Variants in EIF4G3 observed in about 807,000 individuals in gnomAD.
EIF4G3 encodes the protein eukaryotic translation initiation factor 4 gamma 3, also known as eIF-4-gamma 3.
Under a neutral mutation model 186.4 loss-of-function variants are expected in EIF4G3, and 34 were observed. That is an observed-to-expected ratio of 0.18 (90% CI 0.14 to 0.24). The LOEUF (loss-of-function observed/expected upper bound fraction) is 0.24, where lower values mean the gene tolerates loss of function less well. Among genes scored for constraint, EIF4G3 ranks in the 10% least tolerant of loss-of-function variants. The pLI, the probability that EIF4G3 is intolerant of heterozygous loss-of-function variation, is 1.00. For missense variants in EIF4G3, 1,536 were observed against 1,948.5 expected (o/e 0.79, Z 3.99); for synonymous variants, 673 against 679.5 (o/e 0.99, Z 0.15).
At chr1:21,006,387 T>C (rs1390117227) in intron 4 of EIF4G3, among the ~76,000 whole-genome samples, 1 of 152,232 alleles carries the variant, frequency 6.6e-6, no homozygotes. Context: ...GTTTGTACTT[T>C]CCCTTTTCGA....
chr1:20,958,125 T>C (rs371934026), intron 12 of EIF4G3, among the ~76,000 whole-genome samples: 5 of 152,136 alleles, frequency 3.3e-5, no homozygotes, highest in East Asian at 1.9e-4. Context: ...ATTTCCATGA[T>C]GAACACAGAT....
intron 29 of EIF4G3, among the ~76,000 whole-genome samples, chr1:20,842,244 T>C (rs1273926846): frequency 6.6e-6 from 1 of 152,236 alleles, no homozygotes; most frequent in Non-Finnish European, 1.5e-5. Flanking sequence ...CTGAGTCCAG[T>C]TGAGAACCCG....
At chr1:21,132,873 C>T (rs535167508) in intron 2 of EIF4G3, among the ~76,000 whole-genome samples, 19 of 152,266 alleles carry the variant, frequency 1.2e-4, no homozygotes, top group Non-Finnish European at 2.6e-4. Context: ...ACTTCCGCCT[C>T]CCAGGTTCAA....
intron 14 of EIF4G3, among the ~76,000 whole-genome samples, chr1:20,914,603 G>A (rs2093654111): frequency 6.6e-6 from 1 of 152,162 alleles, no homozygotes; most frequent in Non-Finnish European, 1.5e-5. Flanking sequence ...TAATTAATGT[G>A]TATTGTTTAA....
intron 18 of EIF4G3, among the ~76,000 whole-genome samples, chr1:20,891,530 T>C (rs752222924): frequency 6.7e-5 from 10 of 149,408 alleles, no homozygotes; most frequent in Non-Finnish European, 1.5e-4. Flanking sequence ...CCCAGCACTT[T>C]GGGAGGCCGA....
At chr1:20,819,929 G>A (rs2100382) in intron 33 of EIF4G3, among the ~76,000 whole-genome samples, 59,376 of 151,864 alleles carry the variant, frequency 0.39, 12,356 homozygotes, top group Middle Eastern at 0.5. Flanking sequence ...CAGAGAGACT[G>A]GAGACAGAAA....
intron 14 of EIF4G3, among the ~76,000 whole-genome samples, chr1:20,908,805 A>G (rs1417118930): frequency 6.6e-6 from 1 of 152,200 alleles, no homozygotes; most frequent in Non-Finnish European, 1.5e-5. Flanking sequence ...ACCGGTTTTT[A>G]TAAAACCCAC....
chr1:20,896,181 G>A (rs2087930228), intron 16 of EIF4G3, among the ~76,000 whole-genome samples: 1 of 152,030 alleles, frequency 6.6e-6, no homozygotes, highest in African/African-American at 2.4e-5. Flanking sequence ...ACAAGGCCAG[G>A]GATGGTGGCT....
At chr1:20,849,705 C>T (rs1308663146) in intron 28 of EIF4G3, among the ~76,000 whole-genome samples, 175 bp from the exon 29 acceptor site, 1 of 152,100 alleles carries the variant, frequency 6.6e-6, no homozygotes, top group African/African-American at 2.4e-5. Context: ...CACTAAGTAA[C>T]TTTATAATCT....
At position 20,806,749 on chromosome 1, in the gene EIF4G3, A is replaced by C. The variant is rs2058174541; in HGVS notation, c.*570T>G. On this transcript the variant is annotated 3_prime_UTR_variant, in exon 37 of 37. Coordinates refer to ENST00000602326, the MANE Select transcript of EIF4G3 (RefSeq NM_001391906.1). ...TTTTGATTACTATTGTGATTTTTTA[A>C]ATTTTCTGAAGCAAGCTGAGAGGCA... is the stretch of plus-strand genomic sequence containing the variant. The C allele has an allele frequency of 6.6e-6, 1 of 151,956 alleles. No individual in the cohort carries two copies. The highest frequency in any genetic ancestry group is 2.4e-5 in the African/African-American group (1 of 41,324). The allele number at this position is 151,956 out of a possible 1,614,324, so 9.4% of individuals were successfully genotyped here.
chr1:21,104,174 TATG>T (rs2096574767), intron 2 of EIF4G3, among the ~76,000 whole-genome samples: 1 of 152,158 alleles, frequency 6.6e-6, no homozygotes, highest in Non-Finnish European at 1.5e-5. Flanking sequence ...CTAGAAGTAA[TATG>T]ATATGATCAT....
intron 15 of EIF4G3, among the ~76,000 whole-genome samples, chr1:20,903,254 G>A (rs1405998151): frequency 2.0e-5 from 3 of 152,068 alleles, no homozygotes; most frequent in East Asian, 1.9e-4. Flanking sequence ...AAGCTACAGC[G>A]GCAAATTTGA....
At position 20,860,501 on chromosome 1, in the gene EIF4G3, C is replaced by T. The variant is rs755775141; in HGVS notation, c.3128G>A (p.Arg1043Gln). 2.5e-6 allele frequency: 4 copies of T among 1,613,860 alleles called. No homozygotes were observed. Among genetic ancestry groups the T allele is most frequent in the Non-Finnish European group, 3.4e-6 (4 of 1,179,916 alleles). Residue 1043 changes from arginine (R) to glutamine (Q), a missense_variant, in exon 24 of 37, where the codon CGA (arginine) becomes CAA (glutamine). Physicochemically the swap from Arg to Gln is conservative, Grantham distance 43. Around this residue, in one of 11 missense-constraint regions of EIF4G3, gnomAD observed 110 missense variants for 166.2 expected, o/e 0.66. Transcript: ENST00000602326. ...IDLRLCNWVS[R>Q]RADQGPKTIE... is the part of the protein sequence containing the mutation. ...AGTTTTAGGCCCTTGATCTGCTCTT[C>T]GAGATACCCAATTGCACTATAAAAG...
At chr1:20,860,033 T>G (rs1213643321) in intron 24 of EIF4G3, among the ~76,000 whole-genome samples, 1 of 152,236 alleles carries the variant, frequency 6.6e-6, no homozygotes, top group African/African-American at 2.4e-5. Flanking sequence ...AATGTTCCTC[T>G]TTTGCTTGTC....
chr1:21,100,547 G>A (rs1275620049), intron 2 of EIF4G3, among the ~76,000 whole-genome samples: 1 of 152,052 alleles, frequency 6.6e-6, no homozygotes, highest in East Asian at 1.9e-4. Context: ...TCATCATCAT[G>A]ATCCGGTTCA....
chr1:20,808,126 C>T (rs910338539), intron 36 of EIF4G3, among the ~76,000 whole-genome samples: 3 of 151,706 alleles, frequency 2.0e-5, no homozygotes, highest in African/African-American at 4.8e-5. Context: ...TCAGGTGATC[C>T]GCTCATCTTG....
chr1:20,879,267 G>A, intron 20 of EIF4G3, 56 bp downstream of exon 20: 1 of 1,372,222 alleles, frequency 7.3e-7, no homozygotes, highest in Non-Finnish European at 9.8e-7. Flanking sequence ...AATGTGTAGT[G>A]AGGGGAGAAT....
intron 6 of EIF4G3, chr1:20,999,270 C>T (rs1398755215): frequency 3.3e-6 from 1 of 307,690 alleles, no homozygotes; most frequent in Non-Finnish European, 6.6e-6. Context: ...CTGGCAGTTA[C>T]AGTTCTTGCA....
intron 2 of EIF4G3, among the ~76,000 whole-genome samples, chr1:21,134,180 A>G (rs1368009782): frequency 1.3e-5 from 2 of 152,186 alleles, no homozygotes; most frequent in Non-Finnish European, 2.9e-5. Context: ...CAAACCTCAC[A>G]TTCCTGTATC....
Sources: gnomAD v4.1 joint callset for allele counts (sites outside exome capture counted in the v4.1 genomes callset) on GRCh38, gnomAD v4.1.1 for gene constraint, gnomAD v4.1.1 regional missense constraint, MANE v1.5 for transcripts, NCBI Gene and HGNC (gene_info 2026-07-23, HGNC 2026-07-21) for gene names.